DLGAP2: variants seen among roughly 807,000 people sequenced by gnomAD.
DLGAP2 encodes the protein DLG associated protein 2.
DLGAP2 carries 26 observed loss-of-function variants against 100.3 expected under a neutral mutation model. The observed-to-expected ratio is 0.26, with a 90% CI of 0.19 to 0.36. The LOEUF (loss-of-function observed/expected upper bound fraction) is 0.36, where lower values mean the gene tolerates loss of function less well. Ranked by LOEUF, DLGAP2 falls within the 10% of genes least tolerant of loss-of-function variation. DLGAP2 has a pLI of 1.00. For synonymous variants in DLGAP2, 886 were observed against 630.1 expected (o/e 1.41, Z -6.08); for missense variants, 1,858 against 1,453.2 (o/e 1.28, Z -4.53).
At chr8:1,196,635 C>T (rs1254232424) in intron 2 of DLGAP2, among the ~76,000 whole-genome samples, 1 of 152,150 alleles carries the variant, frequency 6.6e-6, no homozygotes, top group Non-Finnish European at 1.5e-5. Flanking sequence ...GGGGGTATCT[C>T]TGAGATGAAA....
intron 2 of DLGAP2, among the ~76,000 whole-genome samples, chr8:920,981 G>T (rs1386460017): frequency 1.3e-5 from 2 of 151,876 alleles, no homozygotes; most frequent in Non-Finnish European, 2.9e-5. Flanking sequence ...TCATTCCCCG[G>T]GTGCTCTTGG....
At position 1,094,989 on chromosome 8, in the gene DLGAP2, C is replaced by T. The variant is rs149081783; in HGVS notation, c.74-163862C>T. 8.9e-4 allele frequency among the ~76,000 whole-genome samples: 136 copies of T among 152,320 alleles called. 1 individual carries two copies. Among genetic ancestry groups the T allele is most frequent in the African/African-American group, 3.0e-3 (124 of 41,580 alleles). ...CAGGAGCGGCACTTCCAGGTCTCAGCAGCCTGCTCCAGGTGGACCACCTTC... is the reference window on the plus strand; with the variant it reads ...CAGGAGCGGCACTTCCAGGTCTCAGTAGCCTGCTCCAGGTGGACCACCTTC... On this transcript the variant is annotated intron_variant, in intron 2 of 14. Coordinates refer to ENST00000637795, the MANE Select transcript of DLGAP2 (RefSeq NM_001346810.2).
intron 3 of DLGAP2, among the ~76,000 whole-genome samples, chr8:1,440,431 C>T (rs745588673): frequency 3.9e-5 from 6 of 152,146 alleles, no homozygotes; most frequent in East Asian, 1.9e-4. Context: ...ACAGGCACTC[C>T]GCTGCGAGTG....
chr8:1,334,798 T>C (rs544303222), intron 3 of DLGAP2, among the ~76,000 whole-genome samples: 1 of 152,274 alleles, frequency 6.6e-6, no homozygotes, highest in African/African-American at 2.4e-5. Flanking sequence ...ACATGATACA[T>C]GTGTTGACAC....
At chr8:810,271 C>T (rs1796347884) in intron 1 of DLGAP2, among the ~76,000 whole-genome samples, 1 of 152,234 alleles carries the variant, frequency 6.6e-6, no homozygotes, top group South Asian at 2.1e-4. Context: ...CAATACTTGA[C>T]AATTTAATAT....
At chr8:837,857 C>G (rs1027851406) in intron 1 of DLGAP2, among the ~76,000 whole-genome samples, 17 of 149,648 alleles carry the variant, frequency 1.1e-4, no homozygotes, top group African/African-American at 4.2e-4. Context: ...GCTGGGATTA[C>G]AGGCATGCAT....
chr8:1,534,272 A>C (rs761408004), intron 4 of DLGAP2, among the ~76,000 whole-genome samples: 1 of 152,226 alleles, frequency 6.6e-6, no homozygotes, highest in Non-Finnish European at 1.5e-5. Flanking sequence ...TCACAAGGCA[A>C]ATTTTCTAGC....
chr8:1,115,510 G>A (rs1014649415), intron 2 of DLGAP2, among the ~76,000 whole-genome samples: 1 of 152,182 alleles, frequency 6.6e-6, no homozygotes, highest in Non-Finnish European at 1.5e-5. Flanking sequence ...AAAATATTGT[G>A]AAGATTCTGA....
intron 2 of DLGAP2, among the ~76,000 whole-genome samples, chr8:1,161,868 C>T (rs1412003739): frequency 4.6e-5 from 7 of 152,246 alleles, no homozygotes. Flanking sequence ...TGCAGGTGCC[C>T]TCTGGAGCAC....
intron 1 of DLGAP2, among the ~76,000 whole-genome samples, chr8:813,772 C>T (rs1385679380): frequency 2.6e-5 from 4 of 152,106 alleles, no homozygotes; most frequent in Non-Finnish European, 5.9e-5. Flanking sequence ...GTTCTTTCTC[C>T]CTCCACTGAC....
intron 2 of DLGAP2, among the ~76,000 whole-genome samples, chr8:1,114,730 C>T (rs1198563653): frequency 1.3e-5 from 2 of 151,628 alleles, no homozygotes; most frequent in South Asian, 2.1e-4. Flanking sequence ...TTCTTGTCTT[C>T]TGCTAGCTTT....
chr8:777,851 G>A (rs1821569554), intron 1 of DLGAP2, among the ~76,000 whole-genome samples: 1 of 152,096 alleles, frequency 6.6e-6, no homozygotes, highest in Non-Finnish European at 1.5e-5. Flanking sequence ...TTCTCGAGGA[G>A]TATCTTTGTG....
chr8:1,588,738 TAAAAAAAAA>T (rs11358700), intron 6 of DLGAP2, among the ~76,000 whole-genome samples: 4 of 91,474 alleles, frequency 4.4e-5, no homozygotes, highest in Non-Finnish European at 7.9e-5. Flanking sequence ...CTGTCTTTAC[TAAAAAAAAA>T]AAAAAAAAAA....
intron 2 of DLGAP2, among the ~76,000 whole-genome samples, chr8:1,000,045 A>C (rs113727825): frequency 1.9e-5 from 2 of 105,596 alleles, no homozygotes; most frequent in East Asian, 5.9e-4. Flanking sequence ...TTTCTTTTGC[A>C]CTGGATTTTC....
At chr8:1,068,555 T>G (rs1333862338) in intron 2 of DLGAP2, among the ~76,000 whole-genome samples, 3 of 152,154 alleles carry the variant, frequency 2.0e-5, no homozygotes, top group Non-Finnish European at 4.4e-5. Context: ...TGGCTAGCAG[T>G]GGCTCTATCT....
At chr8:1,526,337 G>C (rs1190683992) in intron 4 of DLGAP2, among the ~76,000 whole-genome samples, 1 of 151,890 alleles carries the variant, frequency 6.6e-6, no homozygotes, top group African/African-American at 2.4e-5. Context: ...CTACCGGCAG[G>C]GCTGAGAGTC....
chr8:1,531,463 T>A (rs2130455710), intron 4 of DLGAP2, among the ~76,000 whole-genome samples: 1 of 152,276 alleles, frequency 6.6e-6, no homozygotes, highest in African/African-American at 2.4e-5. Flanking sequence ...TTTCAGCTAT[T>A]TGGTATTAAT....
chr8:782,096 A>G (rs1227663314), intron 1 of DLGAP2, among the ~76,000 whole-genome samples: 2 of 152,212 alleles, frequency 1.3e-5, no homozygotes, highest in Non-Finnish European at 1.5e-5. Flanking sequence ...TAGCATAAAG[A>G]AAAGATGAAT....
intron 13 of DLGAP2, among the ~76,000 whole-genome samples, chr8:1,692,743 C>T (rs1482952402): frequency 2.6e-5 from 4 of 151,974 alleles, no homozygotes; most frequent in East Asian, 1.9e-4. Flanking sequence ...ATTTTATAGT[C>T]GGTAGTGAAA....
Sources: allele counts gnomAD v4.1 joint callset (sites outside exome capture counted in the v4.1 genomes callset), GRCh38; gene constraint gnomAD v4.1.1; transcripts MANE v1.5; gene names NCBI Gene and HGNC (gene_info 2026-07-23, HGNC 2026-07-21).